CAPZA2: variants seen among roughly 807,000 people sequenced by gnomAD.
CAPZA2 encodes capping actin protein of muscle Z-line subunit alpha 2.
A neutral mutation model predicts 44.0 loss-of-function variants in CAPZA2; 13 were observed. That is an observed-to-expected ratio of 0.30 (90% CI 0.19 to 0.47). The LOEUF is 0.47. CAPZA2 is among the 20% of genes least tolerant of loss of function. The pLI is 1.00. For synonymous variants in CAPZA2, 94 were observed against 108.2 expected (o/e 0.87, Z 0.81); for missense variants, 244 against 338.6 (o/e 0.72, Z 2.19).
chr7:116,911,570 A>G (rs1308018298), intron 7 of CAPZA2, among the ~76,000 whole-genome samples: 1 of 152,140 alleles, frequency 6.6e-6, no homozygotes, highest in African/African-American at 2.4e-5. Context: ...CTTTATACAT[A>G]CCTTTACCAT....
chr7:116,880,418 G>A (rs1164945488), intron 1 of CAPZA2, among the ~76,000 whole-genome samples: 1 of 152,084 alleles, frequency 6.6e-6, no homozygotes, highest in Non-Finnish European at 1.5e-5. Flanking sequence ...TGTTTTTTGA[G>A]AGGGAGTCTC....
intron 2 of CAPZA2, among the ~76,000 whole-genome samples, chr7:116,890,525 A>T (rs865930457): frequency 1.2e-3 from 34 of 27,222 alleles, no homozygotes; most frequent in East Asian, 2.8e-3. Context: ...AAAAAAAAAA[A>T]ATATATATAT....
chr7:116,900,404 CAAA>C (rs921388468), intron 4 of CAPZA2, among the ~76,000 whole-genome samples: 2 of 127,588 alleles, frequency 1.6e-5, no homozygotes, highest in Non-Finnish European at 1.7e-5. Flanking sequence ...AACTCCCAAC[CAAA>C]AAAAAAAAAG....
At chr7:116,874,199 C>T (rs750584498) in intron 1 of CAPZA2, 1 of 156,272 alleles carries the variant, frequency 6.4e-6, no homozygotes, top group Non-Finnish European at 1.5e-5. Flanking sequence ...CTTCTCATAT[C>T]AAATATGCTT....
chr7:116,884,796 G>C (rs563068840), intron 1 of CAPZA2, among the ~76,000 whole-genome samples: 1 of 152,234 alleles, frequency 6.6e-6, no homozygotes, highest in South Asian at 2.1e-4. Flanking sequence ...CCTGTGGTGT[G>C]TGCTTGCTTA....
At chr7:116,870,219 T>A (rs963357094) in intron 1 of CAPZA2, among the ~76,000 whole-genome samples, 1 of 152,162 alleles carries the variant, frequency 6.6e-6, no homozygotes, top group Non-Finnish European at 1.5e-5. Context: ...GAATTGGACA[T>A]ATGTAATATA....
intron 1 of CAPZA2, among the ~76,000 whole-genome samples, chr7:116,868,916 C>A (rs1042731230): frequency 6.6e-6 from 1 of 152,112 alleles, no homozygotes; most frequent in Non-Finnish European, 1.5e-5. Flanking sequence ...TGGAGTTTTT[C>A]AGACTTTGTA....
chr7:116,890,802 GTT>G (rs1387943081), intron 2 of CAPZA2, among the ~76,000 whole-genome samples: 5 of 126,368 alleles, frequency 4.0e-5, no homozygotes, highest in African/African-American at 8.7e-5. Flanking sequence ...AAAAAAAAGA[GTT>G]AGAAAAGAAT....
At chr7:116,885,642 A>G (rs1047662518) in intron 1 of CAPZA2, among the ~76,000 whole-genome samples, 4 of 152,114 alleles carry the variant, frequency 2.6e-5, no homozygotes, top group Non-Finnish European at 5.9e-5. Flanking sequence ...TTCAGGTTCA[A>G]TAATTTGCTA....
At chr7:116,864,675 GA>G (rs957887378) in intron 1 of CAPZA2, among the ~76,000 whole-genome samples, 15 of 152,050 alleles carry the variant, frequency 9.9e-5, no homozygotes, top group Non-Finnish European at 2.1e-4. Context: ...TATGGGATCA[GA>G]AAACAGAGAG....
chr7:116,898,907 G>C, intron 4 of CAPZA2, 72 bp downstream of exon 4: 2 of 858,282 alleles, frequency 2.3e-6, no homozygotes, highest in Non-Finnish European at 3.7e-6. Context: ...GCTGTGAAGT[G>C]GTATGCTGCA....
chr7:116,864,603 C>T (rs1562955113), intron 1 of CAPZA2, among the ~76,000 whole-genome samples: 1 of 152,080 alleles, frequency 6.6e-6, no homozygotes, highest in East Asian at 1.9e-4. Context: ...GAAATTTTAA[C>T]GTTCTTGTCA....
chr7:116,863,954 T>A (rs1339936889), intron 1 of CAPZA2, among the ~76,000 whole-genome samples: 1 of 152,128 alleles, frequency 6.6e-6, no homozygotes, highest in African/African-American at 2.4e-5. Context: ...TTCGGAAATC[T>A]TTTTTTCTCT....
rs34989681 is a variant in CAPZA2 at position 116,921,380 on chromosome 7, C to CA, written c.*3527dup. ...CTGGCGACAGAGCGAGACTCTGTCC[C>CA]AAAAAAAAAAAAAAGTGGTGGGCTG... is the stretch of plus-strand genomic sequence containing the variant. On this transcript the variant is annotated 3_prime_UTR_variant, in exon 10 of 10. Transcript: ENST00000361183. 0.3 allele frequency: 41,334 copies of CA among 135,724 alleles called. 6,063 individuals carry two copies. Among genetic ancestry groups the CA allele is most frequent in the East Asian group, 0.41 (1,942 of 4,700 alleles). 8.4% of individuals were successfully genotyped at this position (135,724 alleles called of 1,614,324 possible). A position where few individuals can be genotyped will look rare whatever the true frequency, so the allele number is the denominator to read the frequency against.
intron 3 of CAPZA2, among the ~76,000 whole-genome samples, chr7:116,897,892 C>G (rs1019536303): frequency 6.6e-6 from 1 of 151,654 alleles, no homozygotes; most frequent in Non-Finnish European, 1.5e-5. Flanking sequence ...CCCAATTCAT[C>G]ATCTACACTG....
intron 1 of CAPZA2, among the ~76,000 whole-genome samples, chr7:116,883,449 CT>C (rs1420216481): frequency 2.6e-5 from 4 of 152,180 alleles, no homozygotes; most frequent in Non-Finnish European, 4.4e-5. Flanking sequence ...GACATCCTTT[CT>C]TTTGTCTAGG....
chr7:116,907,215 AG>A (rs749562995), intron 6 of CAPZA2, among the ~76,000 whole-genome samples: 4 of 152,338 alleles, frequency 2.6e-5, no homozygotes, highest in South Asian at 2.1e-4. Flanking sequence ...AAATAAATGC[AG>A]GGTTGCAAGG....
chr7:116,907,762 C>G (rs187982195), intron 6 of CAPZA2, among the ~76,000 whole-genome samples: 486 of 152,282 alleles, frequency 3.2e-3, no homozygotes, highest in Non-Finnish European at 5.3e-3. Context: ...ACTACAGGTT[C>G]ACATGGTGCC....
At position 116,920,570 on chromosome 7, in the gene CAPZA2, T is replaced by C. The variant is rs1483262079; in HGVS notation, c.*2703T>C. ...ATGGAGTGTGAGATAAAGAGAACCA[T>C]GTCTGGGGCTGGAGAAATTGAGGAA... On this transcript the variant is annotated 3_prime_UTR_variant, in exon 10 of 10. Coordinates refer to ENST00000361183, the MANE Select transcript of CAPZA2 (RefSeq NM_006136.3). 1 of 152,436 alleles carries C rather than the reference T, an allele frequency of 6.6e-6. No individual in the cohort carries two copies. Among genetic ancestry groups the C allele is most frequent in the African/African-American group, 2.4e-5 (1 of 41,468 alleles). 9.4% of individuals were successfully genotyped at this position (152,436 alleles called of 1,614,324 possible).
Sources: allele counts gnomAD v4.1 joint callset (sites outside exome capture counted in the v4.1 genomes callset), GRCh38; gene constraint gnomAD v4.1.1; transcripts MANE v1.5; gene names NCBI Gene and HGNC (gene_info 2026-07-23, HGNC 2026-07-21).